The following MAP3K9 variants were observed in gnomAD, a reference collection of about 807,000 sequenced individuals.
The protein encoded by MAP3K9 is mixed lineage kinase 1 (tyr and ser/thr specificity).
In MAP3K9, 46 loss-of-function variants were observed where a neutral mutation model predicts 95.8. That is an observed-to-expected ratio of 0.48 (90% CI 0.38 to 0.61). The LOEUF (loss-of-function observed/expected upper bound fraction) is 0.61. Ranked by LOEUF, MAP3K9 falls within the 20% of genes least tolerant of loss-of-function variation. MAP3K9 has a pLI of 0.00. For synonymous variants in MAP3K9, 533 were observed against 593.8 expected, an observed-to-expected ratio of 0.90 and a Z score of 1.49; for missense variants, 1,296 against 1,474.3, an observed-to-expected ratio of 0.88 and a Z score of 1.98.
intron 1 of MAP3K9, among the ~76,000 whole-genome samples, chr14:70,807,261 C>T (rs985011029): frequency 2.6e-5 from 4 of 152,196 alleles, no homozygotes; most frequent in African/African-American, 7.2e-5. Flanking sequence ...AAGGCCGAGG[C>T]GTGCGGATCA....
intron 2 of MAP3K9, among the ~76,000 whole-genome samples, chr14:70,797,085 CTT>C (rs1253018876): frequency 6.6e-6 from 1 of 152,154 alleles, no homozygotes; most frequent in African/African-American, 2.4e-5. Context: ...TAATAAGACA[CTT>C]TTTACTGAAC....
In MAP3K9 at chr14:70,734,487, A is replaced by G; in HGVS notation, c.1925T>C (p.Leu642Pro). 1 of 1,599,612 alleles carries G rather than the reference A, an allele frequency of 6.3e-7. No homozygotes were observed. The highest frequency in any genetic ancestry group is 8.6e-7 in the Non-Finnish European group (1 of 1,168,434). ...SPHFHLGLKS[L>P]VDGYKQWSSS... ...CGACCACTGCTTATATCCATCTACC[A>G]GGGACTTGAGGCTGAATCAGAGGAA... The change falls in exon 10 of 12, where the codon CTG (leucine) becomes CCG (proline). Residue 642 changes from leucine to proline, a missense_variant. By Grantham distance (98) the Leu-to-Pro change is moderately conservative (BLOSUM62 -3). Transcript: ENST00000554752.
intron 2 of MAP3K9, among the ~76,000 whole-genome samples, chr14:70,793,523 C>T (rs1251284893): frequency 6.6e-6 from 1 of 151,760 alleles, no homozygotes; most frequent in Non-Finnish European, 1.5e-5. Flanking sequence ...CCTGTCTCTA[C>T]TAAATAAAAA....
chr14:70,800,541 T>C lies in MAP3K9; in HGVS notation c.820+126A>G, dbSNP rs1383680966. ...CACCTCCTACATCTCCATTCAAGGA[T>C]GGAATGTGTTTAAGCAAGGAGTTTC... On this transcript the variant is annotated intron_variant, in intron 2 of 11. Coordinates refer to ENST00000554752, the MANE Select transcript of MAP3K9 (RefSeq NM_001284230.2). The C allele has an allele frequency of 2.6e-5, 24 of 938,420 alleles. No individual in the cohort carries two copies. In the East Asian group the frequency reaches 5.3e-4, roughly 21 times the overall value. The allele number at this position is 938,420 out of a possible 1,614,324, so 58.1% of individuals were successfully genotyped here.
rs528795984 is a variant in MAP3K9 at position 70,766,090 on chromosome 14, G to T, written c.821-4908C>A. Among the ~76,000 whole-genome samples the T allele has an allele frequency of 2.0e-5, 3 of 152,110 alleles. No homozygotes were observed. The South Asian group carries it at 6.2e-4, about 32-fold the overall frequency. On this transcript the variant is annotated intron_variant, in intron 2 of 11. Coordinates refer to ENST00000554752, the MANE Select transcript of MAP3K9 (RefSeq NM_001284230.2). ...AGACATCTCCAGCCTTTCAGGTTTG[G>T]GTGACAAGCAGAAGAATGGTGGTGC...
Position 70,727,061 on chromosome 14 carries a change from T to C in MAP3K9, c.*3319A>G, listed in dbSNP as rs1278455251. On this transcript the variant is annotated 3_prime_UTR_variant, in exon 12 of 12. Coordinates refer to ENST00000554752, the MANE Select transcript of MAP3K9 (RefSeq NM_001284230.2). ...CTTTTTCATTTCTCTTCACTTGAAT[T>C]TTCATCTTTAAGCATTTCCCCTTCT... 1 of 152,208 alleles carries C rather than the reference T, an allele frequency of 6.6e-6. No homozygotes were observed. Among genetic ancestry groups the C allele is most frequent in the Non-Finnish European group, 1.5e-5 (1 of 68,044 alleles). 9.4% of individuals were successfully genotyped at this position (152,208 alleles called of 1,614,324 possible).
chr14:70,739,223 G>C (rs1340353378), intron 7 of MAP3K9, among the ~76,000 whole-genome samples: 1 of 152,216 alleles, frequency 6.6e-6, no homozygotes, highest in Non-Finnish European at 1.5e-5. Context: ...TCCGCCTCCT[G>C]CATTCAAGCG....
At chr14:70,760,881 G>A in intron 3 of MAP3K9, 121 bp downstream of exon 3, 1 of 980,662 alleles carries the variant, frequency 1.0e-6, no homozygotes, top group South Asian at 1.6e-5. Flanking sequence ...TCTTGGGGGA[G>A]GTCACTTAGA....
chr14:70,740,192 T>C (rs1457256115), intron 6 of MAP3K9, 28 bp from the exon 7 acceptor site: 6 of 1,595,106 alleles, frequency 3.8e-6, no homozygotes, highest in South Asian at 1.1e-5. Flanking sequence ...AACACGTGTA[T>C]GCATTAACAT....
At chr14:70,735,248 G>C (rs547753647) in intron 9 of MAP3K9, among the ~76,000 whole-genome samples, 2 of 152,172 alleles carry the variant, frequency 1.3e-5, no homozygotes, top group East Asian at 1.9e-4. Context: ...TTTGTAGGAG[G>C]GGGGAACCAG....
chr14:70,771,556 G>A (rs1234424959), intron 2 of MAP3K9, among the ~76,000 whole-genome samples: 2 of 151,976 alleles, frequency 1.3e-5, no homozygotes, highest in African/African-American at 4.8e-5. Flanking sequence ...AGCAACAGAT[G>A]GAGACCCAGG....
chr14:70,742,083 T>A (rs1321276288), intron 6 of MAP3K9, among the ~76,000 whole-genome samples: 1 of 152,244 alleles, frequency 6.6e-6, no homozygotes, highest in Admixed American at 6.5e-5. Flanking sequence ...TGTGCCCCTG[T>A]GAGCCACCAG....
Position 70,730,190 on chromosome 14 carries a change from T to C in MAP3K9, c.*190A>G, listed in dbSNP as rs553174028. ...CCACAGCCCCTCCAGTGGACACGGG[T>C]AGAAAGGCCCTGCAGGGCAGGAGAC... On this transcript the variant is annotated 3_prime_UTR_variant, in exon 12 of 12. Transcript: ENST00000554752. 61 of 791,706 alleles carry C rather than the reference T, an allele frequency of 7.7e-5. No individual in the cohort carries two copies. In the East Asian group the frequency reaches 1.3e-3, roughly 17 times the overall value. The allele number at this position is 791,706 out of a possible 1,614,324, so 49.0% of individuals were successfully genotyped here. A position where few individuals can be genotyped will look rare whatever the true frequency, so the allele number is the denominator to read the frequency against.
intron 2 of MAP3K9, among the ~76,000 whole-genome samples, chr14:70,770,439 C>T (rs2054515682): frequency 6.6e-6 from 1 of 152,140 alleles, no homozygotes; most frequent in Non-Finnish European, 1.5e-5. Context: ...CTGCCTCGGC[C>T]TCCCAAAGTG....
chr14:70,761,212 CAG>C, intron 2 of MAP3K9, 30 bp from the exon 3 acceptor site: 1 of 1,554,540 alleles, frequency 6.4e-7, no homozygotes. Context: ...CAGAAGAAAC[CAG>C]AGTCTGCATT....
chr14:70,741,938 ACT>A (rs1308495273), intron 6 of MAP3K9, among the ~76,000 whole-genome samples: 4 of 151,804 alleles, frequency 2.6e-5, no homozygotes, highest in Non-Finnish European at 4.4e-5. Flanking sequence ...CAAAAGCAAA[ACT>A]CTGTCTCAAA....
chr14:70,751,035 C>T lies in MAP3K9; in HGVS notation c.1002-954G>A, dbSNP rs116714035. The stretch of plus-strand genomic sequence containing the variant: ...GAATAGATTTCTGCCCCCAGATCAG[C>T]GTGAGTGGGTTCTTAACGGAGATCT... On this transcript the variant is annotated intron_variant, in intron 3 of 11. Coordinates refer to ENST00000554752, the MANE Select transcript of MAP3K9 (RefSeq NM_001284230.2). Among the ~76,000 whole-genome samples the T allele has an allele frequency of 3.3e-3, 424 of 126,648 alleles. 2 individuals are homozygous for T. Among genetic ancestry groups the T allele is most frequent in the African/African-American group, 0.012 (389 of 32,718 alleles). The allele number at this position is 126,648 out of a possible 152,430, so 83.1% of individuals were successfully genotyped here.
intron 2 of MAP3K9, among the ~76,000 whole-genome samples, chr14:70,782,999 C>A (rs17766537): frequency 2.0e-5 from 3 of 152,168 alleles, no homozygotes; most frequent in African/African-American, 7.2e-5. Flanking sequence ...GCTCAAATGC[C>A]GTGTTCTCTG....
chr14:70,770,798 C>T lies in MAP3K9; in HGVS notation c.821-9616G>A, dbSNP rs561878989. Among the ~76,000 whole-genome samples the T allele has an allele frequency of 4.6e-5, 7 of 152,294 alleles. No homozygotes were observed. The East Asian group carries it at 9.6e-4, about 21-fold the overall frequency. On this transcript the variant is annotated intron_variant, in intron 2 of 11. Transcript: ENST00000554752. ...GTACACAGTCCTAAGGGGTTCCCTTCGTCTCCCTCCTGTGTTAATCCCTGT... is the reference window on the plus strand; with the variant it reads ...GTACACAGTCCTAAGGGGTTCCCTTTGTCTCCCTCCTGTGTTAATCCCTGT...
Sources: gnomAD v4.1 joint callset for allele counts (sites outside exome capture counted in the v4.1 genomes callset) on GRCh38, gnomAD v4.1.1 for gene constraint, MANE v1.5 for transcripts, NCBI Gene and HGNC (gene_info 2026-07-23, HGNC 2026-07-21) for gene names.